HIP1: variants seen among roughly 807,000 people sequenced by gnomAD.
The protein encoded by HIP1 is huntingtin interacting protein 1, also known as huntingtin-interacting protein 1.
Under a neutral mutation model 147.6 loss-of-function variants are expected in HIP1, and 65 were observed. The ratio of observed to expected loss-of-function variants is 0.44; its 90% CI spans 0.36 to 0.54. The LOEUF (loss-of-function observed/expected upper bound fraction) is 0.54, where lower values mean the gene tolerates loss of function less well. HIP1 is among the 20% of genes least tolerant of loss of function. HIP1 has a pLI of 0.00. For missense variants in HIP1, 1,061 were observed against 1,299.6 expected (o/e 0.82, Z 2.82); for synonymous variants, 479 against 504.0 (o/e 0.95, Z 0.67).
Position 75,724,066 on chromosome 7 carries a change from C to A in HIP1, c.120+14735G>T, listed in dbSNP as rs527361084. Among the ~76,000 whole-genome samples, 21 of 152,212 alleles carry A rather than the reference C, an allele frequency of 1.4e-4. No homozygotes were observed. The East Asian group carries it at 3.9e-3, about 28-fold the overall frequency. Reference sequence around the variant, plus strand: ...CCGCCCCCGGGGCTCAAGCGATTCTCTCACCTCAGCCTCCTGAGTAGTTGG... The same window carrying A: ...CCGCCCCCGGGGCTCAAGCGATTCTATCACCTCAGCCTCCTGAGTAGTTGG... On this transcript the variant is annotated intron_variant, in intron 1 of 30. Transcript: ENST00000336926.
chr7:75,647,399 A>T (rs2117177927), intron 1 of HIP1, among the ~76,000 whole-genome samples: 1 of 152,176 alleles, frequency 6.6e-6, no homozygotes, highest in East Asian at 1.9e-4. Flanking sequence ...CTCCATCTCA[A>T]AAAACAAAAC....
In HIP1 at chr7:75,595,282, T is replaced by C. The variant is rs1321455735; in HGVS notation, c.185-2768A>G. Reference sequence around the variant, plus strand: ...TTCCTTCCTTCCTTCCTTCCTTCCTTCCTTTCTTTCTTTCTCTCTCTCCCT... The same window carrying C: ...TTCCTTCCTTCCTTCCTTCCTTCCTCCCTTTCTTTCTTTCTCTCTCTCCCT... On this transcript the variant is annotated intron_variant, in intron 2 of 30. Transcript: ENST00000336926. Among the ~76,000 whole-genome samples, 10 of 51,578 alleles carry C rather than the reference T, an allele frequency of 1.9e-4. No individual in the cohort carries two copies. In the African/African-American group the frequency reaches 2.5e-3, roughly 13 times the overall value. 33.8% of individuals were successfully genotyped at this position (51,578 alleles called of 152,430 possible). A position where few individuals can be genotyped will look rare whatever the true frequency, so the allele number is the denominator to read the frequency against.
intron 1 of HIP1, among the ~76,000 whole-genome samples, chr7:75,604,461 G>T (rs1303903416): frequency 5.3e-5 from 8 of 152,058 alleles, no homozygotes; most frequent in African/African-American, 1.9e-4. Flanking sequence ...ATCACTTCAG[G>T]ACAGGAGTTC....
At chr7:75,588,639 TGGTG>T (rs1796367649) in intron 4 of HIP1, among the ~76,000 whole-genome samples, 1 of 151,826 alleles carries the variant, frequency 6.6e-6, no homozygotes. Context: ...CTGGGTTTGG[TGGTG>T]CACACCTGTT....
At chr7:75,542,714 G>GA (rs1216834149) in intron 28 of HIP1, 137 bp downstream of exon 28, 4 of 903,496 alleles carry the variant, frequency 4.4e-6, no homozygotes, top group Non-Finnish European at 6.5e-6. Context: ...CAGAAATAAA[G>GA]AAAAAATAAA....
intron 1 of HIP1, among the ~76,000 whole-genome samples, chr7:75,688,386 G>C (rs1259923075): frequency 6.6e-6 from 1 of 151,884 alleles, no homozygotes; most frequent in African/African-American, 2.4e-5. Context: ...GGCGCGCCGG[G>C]TCCGGGCTCC....
At chr7:75,557,279 C>T (rs1000456963) in intron 16 of HIP1, among the ~76,000 whole-genome samples, 22 of 151,572 alleles carry the variant, frequency 1.5e-4, no homozygotes, top group African/African-American at 5.1e-4. Context: ...CTTGGTGATC[C>T]ACACCCCCCT....
chr7:75,564,725 G>C (rs1554495216), intron 9 of HIP1, among the ~76,000 whole-genome samples: 1 of 151,644 alleles, frequency 6.6e-6, no homozygotes, highest in African/African-American at 2.4e-5. Flanking sequence ...CCTCCAAGTA[G>C]CTGGGAGTAC....
Position 75,544,737 on chromosome 7 carries a change from A to T in HIP1, c.2724T>A (p.His908Gln), listed in dbSNP as rs1383187148. 6.2e-7 allele frequency: 1 copy of T among 1,613,920 alleles called. No homozygotes were observed. Among genetic ancestry groups the T allele is most frequent in the Non-Finnish European group, 8.5e-7 (1 of 1,179,762 alleles). Residue 908 changes from histidine to glutamine, a missense_variant, in exon 27 of 31, where the codon CAT becomes CAA. This residue lies in a region of HIP1 where 810 missense variants were observed against 946.8 expected (regional missense o/e 0.86). Transcript: ENST00000336926. ...GCTGGGCTGTGCTAGCAGCAATTTC[A>T]TGAGAACACACCATTAGCTCCTCAA... ...GKFEELMVCS[H>Q]EIAASTAQLV...
At chr7:75,714,001 C>CTT (rs58935776) in intron 1 of HIP1, among the ~76,000 whole-genome samples, 27 of 148,284 alleles carry the variant, frequency 1.8e-4, no homozygotes, top group Non-Finnish European at 2.5e-4. Flanking sequence ...TGCCCAGCCT[C>CTT]TTTTTTTTTT....
intron 1 of HIP1, among the ~76,000 whole-genome samples, chr7:75,652,676 A>T (rs1349411286): frequency 6.6e-6 from 1 of 151,802 alleles, no homozygotes; most frequent in South Asian, 2.1e-4. Context: ...CATGTTAATT[A>T]TTACTGTTAG....
chr7:75,640,265 T>G (rs782071351), intron 1 of HIP1, among the ~76,000 whole-genome samples: 9 of 152,162 alleles, frequency 5.9e-5, no homozygotes, highest in African/African-American at 9.7e-5. Context: ...AACCCCACTT[T>G]ATACGGAGAG....
chr7:75,641,174 C>T (rs1302836334), intron 1 of HIP1, among the ~76,000 whole-genome samples: 6 of 151,806 alleles, frequency 4.0e-5, no homozygotes, highest in Non-Finnish European at 7.4e-5. Flanking sequence ...GTCATGATGG[C>T]GCACACCTGC....
chr7:75,604,901 C>T (rs980120896), intron 1 of HIP1, among the ~76,000 whole-genome samples: 7 of 152,070 alleles, frequency 4.6e-5, no homozygotes, highest in Non-Finnish European at 8.8e-5. Context: ...TTTAAAATTC[C>T]CATAAGCCAC....
intron 1 of HIP1, among the ~76,000 whole-genome samples, chr7:75,621,886 A>G (rs1187390567): frequency 6.6e-6 from 1 of 152,150 alleles, no homozygotes; most frequent in Non-Finnish European, 1.5e-5. Flanking sequence ...GGGGGGACCC[A>G]TGGGAGAGTT....
chr7:75,636,024 CAAAAAAAAAAAA>C (rs34434184), intron 1 of HIP1, among the ~76,000 whole-genome samples: 3 of 53,708 alleles, frequency 5.6e-5, no homozygotes, highest in Non-Finnish European at 9.5e-5. Flanking sequence ...GACCCTGTCT[CAAAAAAAAAAAA>C]AAAAAAAAAA....
intron 1 of HIP1, among the ~76,000 whole-genome samples, chr7:75,619,531 A>AT (rs58231102): frequency 6.7e-6 from 1 of 150,004 alleles, no homozygotes; most frequent in East Asian, 1.9e-4. Flanking sequence ...AAAAAAAAAA[A>AT]GAGAAGAAAA....
At chr7:75,603,193 C>T (rs781892095) in intron 1 of HIP1, among the ~76,000 whole-genome samples, 6 of 151,632 alleles carry the variant, frequency 4.0e-5, no homozygotes, top group Non-Finnish European at 8.8e-5. Flanking sequence ...CTAAAAAATA[C>T]AAAAATTAGC....
chr7:75,630,577 G>A (rs897859213), intron 1 of HIP1, among the ~76,000 whole-genome samples: 3 of 151,636 alleles, frequency 2.0e-5, no homozygotes, highest in African/African-American at 7.3e-5. Context: ...AACAAATCCT[G>A]TGGTTTCATG....
Sources: allele counts gnomAD v4.1 joint callset (sites outside exome capture counted in the v4.1 genomes callset), GRCh38; gene constraint gnomAD v4.1.1; regional missense constraint gnomAD v4.1.1; transcripts MANE v1.5; gene names NCBI Gene and HGNC (gene_info 2026-07-23, HGNC 2026-07-21).